ORAI2: variants seen among roughly 807,000 people sequenced by gnomAD.
ORAI2 encodes protein orai-2.
Under a neutral mutation model 16.2 loss-of-function variants are expected in ORAI2, and 10 were observed. That is an observed-to-expected ratio of 0.62 (90% CI 0.38 to 1.04). The LOEUF (loss-of-function observed/expected upper bound fraction) is 1.04. Ranked by LOEUF, ORAI2 falls within the 50% of genes least tolerant of loss-of-function variation. ORAI2 has a pLI of 0.01. For synonymous variants in ORAI2, 150 were observed against 157.5 expected (o/e 0.95, Z 0.35); for missense variants, 238 against 355.5 (o/e 0.67, Z 2.66).
In ORAI2 at chr7:102,455,572, G is replaced by C. The variant is rs1797625534; in HGVS notation, c.*8520G>C. The C allele has an allele frequency of 6.6e-6, 1 of 152,302 alleles. No individual in the cohort carries two copies. Among genetic ancestry groups the C allele is most frequent in the African/African-American group, 2.4e-5 (1 of 41,466 alleles). The allele number at this position is 152,302 out of a possible 1,614,324, so 9.4% of individuals were successfully genotyped here. On this transcript the variant is annotated 3_prime_UTR_variant, in exon 4 of 4. Coordinates refer to ENST00000495936, the MANE Select transcript of ORAI2 (RefSeq NM_001126340.3). ...CCAGATGTTGGAGCATCCTGCAGGGGCCAGCCCAGCCTGTCAGGGGCAGAG... is the reference window on the plus strand; with the variant it reads ...CCAGATGTTGGAGCATCCTGCAGGGCCCAGCCCAGCCTGTCAGGGGCAGAG...
At chr7:102,444,895 G>A (rs1042149698) in intron 3 of ORAI2, among the ~76,000 whole-genome samples, 2 of 152,006 alleles carry the variant, frequency 1.3e-5, no homozygotes, top group East Asian at 3.9e-4. Flanking sequence ...TTGAACTCCT[G>A]ACCTCAAGTG....
intron 3 of ORAI2, among the ~76,000 whole-genome samples, chr7:102,443,274 C>CTTT (rs1336293014): frequency 8.5e-5 from 11 of 129,986 alleles, no homozygotes; most frequent in African/African-American, 1.4e-4. Flanking sequence ...CCCTTTTCTC[C>CTTT]TTTTTTTTTT....
Position 102,456,164 on chromosome 7 carries a change from C to G in ORAI2, c.*9112C>G, listed in dbSNP as rs1405715536. On this transcript the variant is annotated 3_prime_UTR_variant, in exon 4 of 4. Coordinates refer to ENST00000495936, the MANE Select transcript of ORAI2 (RefSeq NM_001126340.3). ...CCACAGGAACAGCAGAGCAGCTCCC[C>G]CATCCAGGTAAGCGCCCCCACCACA... 6.5e-6 allele frequency: 1 copy of G among 153,906 alleles called. No homozygotes were observed. The highest frequency in any genetic ancestry group is 1.5e-5 in the Non-Finnish European group (1 of 68,228). 9.5% of individuals were successfully genotyped at this position (153,906 alleles called of 1,614,324 possible).
In ORAI2 at chr7:102,433,589, GC is replaced by G. The variant is rs1158977053; in HGVS notation, c.-193del. 6.6e-6 allele frequency: 1 copy of G among 150,598 alleles called. No homozygotes were observed. The highest frequency in any genetic ancestry group is 2.4e-5 in the African/African-American group (1 of 41,210). The allele number at this position is 150,598 out of a possible 1,614,324, so 9.3% of individuals were successfully genotyped here. A position where few individuals can be genotyped will look rare whatever the true frequency, so the allele number is the denominator to read the frequency against. ...GGGCCGCGCTCGGCGCCCCGGCCGG[GC>G]CACTGGGCCACAGGCCACGCGGCCA... On this transcript the variant is annotated 5_prime_UTR_variant, in exon 1 of 4. Coordinates refer to ENST00000495936, the MANE Select transcript of ORAI2 (RefSeq NM_001126340.3). The surrounding 1 kb of genome is among the most constrained non-coding windows in gnomAD (Gnocchi z 4.6).
rs1367582385 is a variant in ORAI2 at position 102,446,682 on chromosome 7, A to G, written c.395A>G (p.Asn132Ser). 1 of 1,614,038 alleles carries G rather than the reference A, an allele frequency of 6.2e-7. No individual in the cohort carries two copies. The highest frequency in any genetic ancestry group is 1.7e-5 in the Admixed American group (1 of 60,018). The change falls in exon 4 of 4, where the codon AAC (asparagine) becomes AGC (serine). Residue 132 changes from asparagine (N) to serine (S), a missense_variant. Around this residue, in one of 3 missense-constraint regions of ORAI2, gnomAD observed 176 missense variants for 265.9 expected, o/e 0.66. Coordinates refer to ENST00000495936, the MANE Select transcript of ORAI2 (RefSeq NM_001126340.3). ...VEAVSNIHNL[N>S]SISESPHERM... Reference sequence around the variant, plus strand: ...GCCGTGAGCAACATCCACAACCTGAACTCCATCAGCGAGTCCCCGCATGAG... The same window carrying G: ...GCCGTGAGCAACATCCACAACCTGAGCTCCATCAGCGAGTCCCCGCATGAG...
At chr7:102,440,894 G>C (rs1051684805) in intron 3 of ORAI2, among the ~76,000 whole-genome samples, 1 of 150,414 alleles carries the variant, frequency 6.6e-6, no homozygotes, top group Non-Finnish European at 1.5e-5. Flanking sequence ...CTTTTTGTTT[G>C]TTTTTGTTTT....
In ORAI2 at chr7:102,446,697, C is replaced by CCTGGA; in HGVS notation, c.411_412insTGGAC (p.Pro138TrpfsTer168). ...CACAACCTGAACTCCATCAGCGAGT[C>CCTGGA]CCCGCATGAGCGCATGCACCCCTAC... is the stretch of plus-strand genomic sequence containing the variant. On this transcript the variant is annotated frameshift_variant, in exon 4 of 4. Transcript: ENST00000495936. LOFTEE classifies it high-confidence loss of function. 1.2e-6 allele frequency: 2 copies of CCTGGA among 1,614,220 alleles called. No individual in the cohort carries two copies. Among genetic ancestry groups the CCTGGA allele is most frequent in the Non-Finnish European group, 1.7e-6 (2 of 1,180,034 alleles).
In ORAI2 at chr7:102,451,259, G is replaced by A. The variant is rs1326951711; in HGVS notation, c.*4207G>A. The stretch of plus-strand genomic sequence containing the variant: ...TCAGTTTGCCCGGGAGCCAGCCAGG[G>A]CCCATCCTAATTTGGAGCACAGTCT... On this transcript the variant is annotated 3_prime_UTR_variant, in exon 4 of 4. Coordinates refer to ENST00000495936, the MANE Select transcript of ORAI2 (RefSeq NM_001126340.3). 2 of 151,722 alleles carry A rather than the reference G, an allele frequency of 1.3e-5. No individual in the cohort carries two copies. Among genetic ancestry groups the A allele is most frequent in the South Asian group, 2.1e-4 (1 of 4,792 alleles). 9.4% of individuals were successfully genotyped at this position (151,722 alleles called of 1,614,324 possible).
rs59569261 is a variant in ORAI2 at position 102,443,504 on chromosome 7, G to A, written c.226-3009G>A. Among the ~76,000 whole-genome samples the A allele has an allele frequency of 4.2e-3, 641 of 151,772 alleles. 41 individuals are homozygous for A. The East Asian group carries it at 0.12, about 28-fold the overall frequency. On this transcript the variant is annotated intron_variant, in intron 3 of 3. Transcript: ENST00000495936. ...TACCTCATAATCATCTTTATTTCCT[G>A]TCTTGGAGGCCTCTGTGGTTTGTAA...
intron 3 of ORAI2, among the ~76,000 whole-genome samples, chr7:102,443,680 C>T (rs997675724): frequency 4.6e-5 from 7 of 152,026 alleles, no homozygotes; most frequent in Admixed American, 2.6e-4. Context: ...AGTTGTTTTT[C>T]GGCTCTGGTC....
rs1796982231 is a variant in ORAI2, at chr7:102,433,665, AGT to A, written c.-123+8_-123+9del. The stretch of plus-strand genomic sequence containing the variant: ...GGGCGGGGCGAGGGCAGCTCCGGTG[AGT>A]GTGGCGGCGCGGGGGCCTGGCGCGG... On this transcript the variant is annotated splice_donor_5th_base_variant and intron_variant, in intron 1 of 3. Coordinates refer to ENST00000495936, the MANE Select transcript of ORAI2 (RefSeq NM_001126340.3). This position sits in a 1 kb window ranked among gnomAD's most constrained non-coding sequence, Gnocchi z 4.6. The A allele has an allele frequency of 6.6e-6, 1 of 150,410 alleles. No individual in the cohort carries two copies. Among genetic ancestry groups the A allele is most frequent in the East Asian group, 2.0e-4 (1 of 5,052 alleles). The allele number at this position is 150,410 out of a possible 1,614,324, so 9.3% of individuals were successfully genotyped here. A position where few individuals can be genotyped will look rare whatever the true frequency, so the allele number is the denominator to read the frequency against.
At chr7:102,441,224 T>C (rs1169761698) in intron 3 of ORAI2, among the ~76,000 whole-genome samples, 2 of 150,652 alleles carry the variant, frequency 1.3e-5, no homozygotes, top group Non-Finnish European at 3.0e-5. Context: ...GGAGCCTCAA[T>C]TGTTAGATTG....
In ORAI2 at chr7:102,446,899, G is replaced by C. The variant is rs973528230; in HGVS notation, c.612G>C (p.Met204Ile). 1.9e-6 allele frequency: 3 copies of C among 1,613,208 alleles called. No individual in the cohort carries two copies. The highest frequency in any genetic ancestry group is 1.7e-6 in the Non-Finnish European group (2 of 1,179,990). ...WQAALVSTII[M>I]VPVGLIFVVF... is the part of the protein sequence containing the mutation. The stretch of plus-strand genomic sequence containing the variant: ...CCGCCCTGGTGTCCACCATCATCAT[G>C]GTGCCCGTGGGCCTCATCTTCGTGG... The change falls in exon 4 of 4, where the codon ATG (methionine) becomes ATC (isoleucine). Residue 204 changes from methionine (M) to isoleucine (I), a missense_variant. By Grantham distance (10) the Met-to-Ile change is conservative (BLOSUM62 1). Coordinates refer to ENST00000495936, the MANE Select transcript of ORAI2 (RefSeq NM_001126340.3).
At chr7:102,444,239 T>A (rs1246658066) in intron 3 of ORAI2, among the ~76,000 whole-genome samples, 4 of 151,872 alleles carry the variant, frequency 2.6e-5, no homozygotes, top group Non-Finnish European at 4.4e-5. Context: ...GTTATTTTTT[T>A]ATTTTATTTT....
rs536378428 is a variant in ORAI2 at position 102,453,237 on chromosome 7, G to T, written c.*6185G>T. 6.6e-6 allele frequency: 1 copy of T among 152,270 alleles called. No homozygotes were observed. Among genetic ancestry groups the T allele is most frequent in the Admixed American group, 6.5e-5 (1 of 15,276 alleles). 9.4% of individuals were successfully genotyped at this position (152,270 alleles called of 1,614,324 possible). A position where few individuals can be genotyped will look rare whatever the true frequency, so the allele number is the denominator to read the frequency against. ...GATCCGCCTGCCTCAGCCTCCCAAAGTGCTGGGGTTACAGGTGTGAGCCAC... is the reference window on the plus strand; with the variant it reads ...GATCCGCCTGCCTCAGCCTCCCAAATTGCTGGGGTTACAGGTGTGAGCCAC... On this transcript the variant is annotated 3_prime_UTR_variant, in exon 4 of 4. Transcript: ENST00000495936.
intron 3 of ORAI2, among the ~76,000 whole-genome samples, chr7:102,445,225 T>C (rs188142772): frequency 6.5e-4 from 55 of 84,218 alleles, no homozygotes; most frequent in Non-Finnish European, 1.0e-3. Context: ...GCCATCCAGG[T>C]GTGCAGCTCT....
intron 3 of ORAI2, among the ~76,000 whole-genome samples, chr7:102,443,932 C>T (rs2133230358): frequency 6.6e-6 from 1 of 152,176 alleles, no homozygotes; most frequent in Admixed American, 6.6e-5. Flanking sequence ...GTCTCGAACT[C>T]CTGACCTCAG....
At chr7:102,446,120 T>G (rs569137880) in intron 3 of ORAI2, among the ~76,000 whole-genome samples, 218 of 152,156 alleles carry the variant, frequency 1.4e-3, no homozygotes, top group Admixed American at 3.6e-3. Flanking sequence ...GGCTGCTTTT[T>G]GTATTTTTAG....
Position 102,447,272 on chromosome 7 carries a change from G to T in ORAI2, c.*220G>T, listed in dbSNP as rs1797396926. ...GAGCGTTGGGGGCAAAGCCAGGCTGGTTCCTTGGCCTCGGGGTTTCCTGGG... is the reference window on the plus strand; with the variant it reads ...GAGCGTTGGGGGCAAAGCCAGGCTGTTTCCTTGGCCTCGGGGTTTCCTGGG... On this transcript the variant is annotated 3_prime_UTR_variant, in exon 4 of 4. Coordinates refer to ENST00000495936, the MANE Select transcript of ORAI2 (RefSeq NM_001126340.3). 3 of 593,610 alleles carry T rather than the reference G, an allele frequency of 5.1e-6. No individual in the cohort carries two copies. The highest frequency in any genetic ancestry group is 4.6e-5 in the South Asian group (2 of 43,088). The allele number at this position is 593,610 out of a possible 1,614,324, so 36.8% of individuals were successfully genotyped here. A position where few individuals can be genotyped will look rare whatever the true frequency, so the allele number is the denominator to read the frequency against.
Sources: gnomAD v4.1 joint callset for allele counts (sites outside exome capture counted in the v4.1 genomes callset) on GRCh38, gnomAD v4.1.1 for gene constraint, gnomAD v4.1.1 regional missense constraint, Gnocchi (gnomAD v3.1) non-coding constraint, MANE v1.5 for transcripts, NCBI Gene and HGNC (gene_info 2026-07-23, HGNC 2026-07-21) for gene names.